HIVEP2: variants seen among roughly 807,000 people sequenced by gnomAD.
The protein encoded by HIVEP2 is transcription factor HIVEP2.
In HIVEP2, 14 loss-of-function variants were observed where a neutral mutation model predicts 180.7. That is an observed-to-expected ratio of 0.08 (90% CI 0.05 to 0.12). The LOEUF is 0.12. Ranked by LOEUF, HIVEP2 falls within the 10% of genes least tolerant of loss-of-function variation. HIVEP2 has a pLI of 1.00. For synonymous variants in HIVEP2, 1,184 were observed against 1,136.4 expected (o/e 1.04, Z -0.84); for missense variants, 2,579 against 3,008.5 (o/e 0.86, Z 3.34).
intron 2 of HIVEP2, among the ~76,000 whole-genome samples, chr6:142,801,484 A>G (rs1776410153): frequency 6.6e-6 from 1 of 151,916 alleles, no homozygotes; most frequent in East Asian, 1.9e-4. Flanking sequence ...AAGCTAAATA[A>G]GGCCAACGAT....
At chr6:142,819,784 T>C (rs575278809) in intron 2 of HIVEP2, among the ~76,000 whole-genome samples, 9 of 152,306 alleles carry the variant, frequency 5.9e-5, no homozygotes, top group African/African-American at 2.2e-4. Context: ...CTGAACTACC[T>C]TCAGCTTGAA....
intron 1 of HIVEP2, among the ~76,000 whole-genome samples, chr6:142,894,317 T>C (rs926154947): frequency 6.6e-6 from 1 of 152,222 alleles, no homozygotes; most frequent in Non-Finnish European, 1.5e-5. Context: ...TTGTAAAATA[T>C]AGTTTTAATT....
chr6:142,832,756 A>G (rs2114867483), intron 2 of HIVEP2, among the ~76,000 whole-genome samples: 1 of 152,316 alleles, frequency 6.6e-6, no homozygotes, highest in Non-Finnish European at 1.5e-5. Context: ...TTGATCCACA[A>G]GGGATATTGC....
At chr6:142,888,389 A>G (rs1354617954) in intron 1 of HIVEP2, among the ~76,000 whole-genome samples, 2 of 152,118 alleles carry the variant, frequency 1.3e-5, no homozygotes, top group African/African-American at 4.8e-5. Flanking sequence ...GGCCTCTGAA[A>G]ATGCTGGGTT....
At chr6:142,909,811 G>C (rs921341500) in intron 1 of HIVEP2, among the ~76,000 whole-genome samples, 1 of 152,092 alleles carries the variant, frequency 6.6e-6, no homozygotes, top group South Asian at 2.1e-4. Flanking sequence ...TGAGTAGAAA[G>C]ATCAAAAAAT....
chr6:142,771,852 G>A lies in HIVEP2; in HGVS notation c.2887C>T (p.Leu963Phe), dbSNP rs13213781. ...ESSFESTGTG[L>F]SRSPSQESNL... ...CTTTCTTGGCTGGGGCTGCGGGAGA[G>A]GCCTGTGCCTGTGGATTCAAAGCTG... Residue 963 changes from leucine (L) to phenylalanine (F), a missense_variant, in exon 5 of 10, where the codon CTC (leucine) becomes TTC (phenylalanine). Transcript: ENST00000367603. This position sits in a 1 kb window ranked among gnomAD's most constrained non-coding sequence, Gnocchi z 5.4. The A allele has an allele frequency of 6.2e-7, 1 of 1,614,236 alleles. No homozygotes were observed. The highest frequency in any genetic ancestry group is 8.5e-7 in the Non-Finnish European group (1 of 1,180,046).
chr6:142,798,807 G>C (rs1776340485), intron 2 of HIVEP2, among the ~76,000 whole-genome samples: 1 of 152,116 alleles, frequency 6.6e-6, no homozygotes, highest in African/African-American at 2.4e-5. Flanking sequence ...TCTTTATTAT[G>C]AAATGGGATA....
chr6:142,882,762 C>T (rs938149753), intron 1 of HIVEP2, among the ~76,000 whole-genome samples: 7 of 152,034 alleles, frequency 4.6e-5, no homozygotes, highest in African/African-American at 9.7e-5. Context: ...TTCTCTTTAT[C>T]GTTTACATAA....
intron 1 of HIVEP2, among the ~76,000 whole-genome samples, chr6:142,844,351 A>G (rs6925118): frequency 0.18 from 27,164 of 152,010 alleles, 2,609 homozygotes; most frequent in South Asian, 0.22. Context: ...AGCTGCAAGA[A>G]GGAAGTATTT....
rs529444013 is a variant in HIVEP2, at chr6:142,863,986, G to A, written c.-640-26939C>T. Among the ~76,000 whole-genome samples the A allele has an allele frequency of 1.3e-3, 202 of 152,228 alleles. 2 individuals carry two copies. The highest frequency in any genetic ancestry group is 4.8e-3 in the African/African-American group (199 of 41,530). On this transcript the variant is annotated intron_variant, in intron 1 of 9. Transcript: ENST00000367603. ...GTTTATACTGCTGTAAACAAAGATC[G>A]TGTTAAGAGGATATGTGTGTGTTAG...
chr6:142,848,904 C>T (rs1254516049), intron 1 of HIVEP2, among the ~76,000 whole-genome samples: 1 of 152,226 alleles, frequency 6.6e-6, no homozygotes, highest in Non-Finnish European at 1.5e-5. Context: ...GGCTTCTCTT[C>T]ACTTCTGAGG....
chr6:142,923,678 A>T, intron 1 of HIVEP2, among the ~76,000 whole-genome samples: 1 of 152,154 alleles, frequency 6.6e-6, no homozygotes, highest in Non-Finnish European at 1.5e-5. Context: ...GTGACAGCAG[A>T]TCATTTAACC....
chr6:142,824,870 A>G (rs1339083335), intron 2 of HIVEP2, among the ~76,000 whole-genome samples: 1 of 151,774 alleles, frequency 6.6e-6, no homozygotes, highest in African/African-American at 2.4e-5. Flanking sequence ...TAAAGTCCAT[A>G]CATTTATAGT....
chr6:142,892,630 CAT>C (rs899652087), intron 1 of HIVEP2, among the ~76,000 whole-genome samples: 16 of 152,296 alleles, frequency 1.1e-4, no homozygotes, highest in Admixed American at 4.6e-4. Flanking sequence ...AACGAGAAGA[CAT>C]GTGAGCAAAT....
chr6:142,865,626 C>CT (rs1776119574), intron 1 of HIVEP2, among the ~76,000 whole-genome samples: 1 of 151,958 alleles, frequency 6.6e-6, no homozygotes, highest in Non-Finnish European at 1.5e-5. Flanking sequence ...ATTTTAATTA[C>CT]TTTTTTAATG....
At chr6:142,796,749 A>C (rs1355170479) in intron 2 of HIVEP2, among the ~76,000 whole-genome samples, 1 of 152,190 alleles carries the variant, frequency 6.6e-6, no homozygotes, top group Non-Finnish European at 1.5e-5. Context: ...TATTGCATTA[A>C]ACATGATGAA....
chr6:142,785,172 A>G (rs1217087980), intron 2 of HIVEP2, among the ~76,000 whole-genome samples: 8 of 152,020 alleles, frequency 5.3e-5, no homozygotes, highest in Non-Finnish European at 1.0e-4. Flanking sequence ...TACAGGCGTG[A>G]GCCACCGTGC....
intron 2 of HIVEP2, among the ~76,000 whole-genome samples, chr6:142,832,785 T>C (rs1046082415): frequency 2.6e-5 from 4 of 152,206 alleles, no homozygotes; most frequent in African/African-American, 9.7e-5. Flanking sequence ...CATGAGATTC[T>C]CAGATCAGGG....
intron 2 of HIVEP2, among the ~76,000 whole-genome samples, chr6:142,789,071 G>C (rs964814602): frequency 2.6e-5 from 4 of 152,096 alleles, no homozygotes; most frequent in African/African-American, 9.7e-5. Flanking sequence ...TGGAATGTTG[G>C]TTCATGAGGA....
Sources: allele counts gnomAD v4.1 joint callset (sites outside exome capture counted in the v4.1 genomes callset), GRCh38; gene constraint gnomAD v4.1.1; non-coding constraint Gnocchi (gnomAD v3.1); transcripts MANE v1.5; gene names NCBI Gene and HGNC (gene_info 2026-07-23, HGNC 2026-07-21).